Variants in CDKN2B-AS1 observed in about 807,000 individuals in gnomAD.
CDKN2B-AS1 encodes CDKN2B antisense RNA 1 (non-protein coding).
At chr9:22,027,610 T>A (rs1018057803) in intron 1 of CDKN2B-AS1, among the ~76,000 whole-genome samples, 2 of 152,320 alleles carry the variant, frequency 1.3e-5, no homozygotes, top group East Asian at 3.9e-4. Flanking sequence ...CTTTTTGGGG[T>A]ACAGTTCTAT....
Position 22,006,192 on chromosome 9 carries a change from T to G in CDKN2B-AS1, n.29+11031T>G, listed in dbSNP as rs1821177128. ...AGTGGCAGGGTCTGCGCAGTTGGGC[T>G]CCGCGCCGTGGAGCAGCAGCAGCTC... On this transcript the variant is annotated intron_variant and non_coding_transcript_variant, in intron 1 of 4. Transcript: ENST00000650946. The surrounding 1 kb of genome is among the most constrained non-coding windows in gnomAD (Gnocchi z 6.4). 6.2e-7 allele frequency: 1 copy of G among 1,609,124 alleles called. No individual in the cohort carries two copies. The highest frequency in any genetic ancestry group is 8.5e-7 in the Non-Finnish European group (1 of 1,179,786).
At chr9:22,002,837 A>C (rs748783739) in intron 1 of CDKN2B-AS1, 10 of 174,968 alleles carry the variant, frequency 5.7e-5, no homozygotes, top group Non-Finnish European at 1.1e-4. Flanking sequence ...CTTTAACAGC[A>C]AAACACCCTT....
At chr9:22,016,015 G>T (rs1821738939) in intron 1 of CDKN2B-AS1, among the ~76,000 whole-genome samples, 1 of 152,114 alleles carries the variant, frequency 6.6e-6, no homozygotes, top group South Asian at 2.1e-4. Flanking sequence ...AGATGAGTAG[G>T]TCGCGAAAAT....
At chr9:22,071,406 G>A (rs1824290709) in intron 4 of CDKN2B-AS1, among the ~76,000 whole-genome samples, 1 of 147,348 alleles carries the variant, frequency 6.8e-6, no homozygotes, top group Admixed American at 7.0e-5. Context: ...ACATGTGAGG[G>A]CCTAAGTATA....
chr9:22,011,676 C>A (rs1215279889), intron 1 of CDKN2B-AS1, among the ~76,000 whole-genome samples: 2 of 152,202 alleles, frequency 1.3e-5, no homozygotes, highest in Non-Finnish European at 2.9e-5. Flanking sequence ...GCTCACCTCA[C>A]AGCACACCCT....
At chr9:22,038,428 G>T (rs1243550119) in intron 1 of CDKN2B-AS1, among the ~76,000 whole-genome samples, 2 of 151,862 alleles carry the variant, frequency 1.3e-5, no homozygotes, top group African/African-American at 4.8e-5. Context: ...ATCTGTTCAA[G>T]ATTTATGAGC....
At chr9:22,123,516 C>A (rs1587557867) in intron 4 of CDKN2B-AS1, among the ~76,000 whole-genome samples, 1 of 151,984 alleles carries the variant, frequency 6.6e-6, no homozygotes, top group Non-Finnish European at 1.5e-5. Context: ...AATGTGTTTG[C>A]ACCAAAAGAG....
chr9:22,036,973 A>G (rs1252574280), intron 1 of CDKN2B-AS1, among the ~76,000 whole-genome samples: 2 of 152,074 alleles, frequency 1.3e-5, no homozygotes, highest in African/African-American at 2.4e-5. Context: ...TCAATGTACC[A>G]GTTTGGCTCT....
chr9:22,113,297 G>A (rs1475021467), intron 4 of CDKN2B-AS1, among the ~76,000 whole-genome samples: 3 of 152,092 alleles, frequency 2.0e-5, no homozygotes, highest in Non-Finnish European at 4.4e-5. Context: ...TCCATCTTCA[G>A]GCCAGCAATG....
intron 4 of CDKN2B-AS1, among the ~76,000 whole-genome samples, chr9:22,094,363 C>T (rs1371569128): frequency 1.4e-5 from 2 of 144,074 alleles, no homozygotes; most frequent in Non-Finnish European, 3.0e-5. Context: ...GAATGTTGGC[C>T]TGCCTTGCTA....
intron 4 of CDKN2B-AS1, among the ~76,000 whole-genome samples, chr9:22,074,445 T>C (rs2131320331): frequency 6.6e-6 from 1 of 152,310 alleles, no homozygotes; most frequent in East Asian, 1.9e-4. Context: ...CATAGGGGGA[T>C]GTAGGGAGTA....
chr9:22,075,532 T>C (rs1404209645), intron 4 of CDKN2B-AS1, among the ~76,000 whole-genome samples: 1 of 152,216 alleles, frequency 6.6e-6, no homozygotes, highest in East Asian at 1.9e-4. Context: ...GAATGACATA[T>C]GCCAAGTTTG....
At chr9:22,087,218 C>A (rs965225421) in intron 4 of CDKN2B-AS1, among the ~76,000 whole-genome samples, 1 of 152,164 alleles carries the variant, frequency 6.6e-6, no homozygotes, top group African/African-American at 2.4e-5. Flanking sequence ...AGTTTTCTTT[C>A]CCCTTGAAGG....
At chr9:22,002,933 T>C in intron 1 of CDKN2B-AS1, 1 of 190,076 alleles carries the variant, frequency 5.3e-6, no homozygotes, top group Non-Finnish European at 1.1e-5. Flanking sequence ...TATTTAACTT[T>C]CCAGATCTTC....
At chr9:22,040,031 A>G (rs996719782) in intron 1 of CDKN2B-AS1, among the ~76,000 whole-genome samples, 3 of 152,078 alleles carry the variant, frequency 2.0e-5, no homozygotes, top group African/African-American at 4.8e-5. Flanking sequence ...AACAGAAGCT[A>G]CGGAAGAGAC....
chr9:22,004,280 CCTT>C (rs1821061557), intron 1 of CDKN2B-AS1: 5 of 232,358 alleles, frequency 2.2e-5, no homozygotes, highest in Admixed American at 1.1e-4. Context: ...CAAATGTACT[CCTT>C]CTTATAAGTC....
At chr9:22,066,817 A>G (rs1824063050) in intron 4 of CDKN2B-AS1, among the ~76,000 whole-genome samples, 1 of 152,200 alleles carries the variant, frequency 6.6e-6, no homozygotes, top group South Asian at 2.1e-4. Flanking sequence ...AACCAACCCA[A>G]ATGTCCATCA....
chr9:22,103,970 C>T (rs1008229022), intron 4 of CDKN2B-AS1, among the ~76,000 whole-genome samples: 1 of 152,146 alleles, frequency 6.6e-6, no homozygotes. Flanking sequence ...TATAAATATA[C>T]ATATACGTAA....
At chr9:22,126,890 T>G (rs1818031164) in intron 4 of CDKN2B-AS1, among the ~76,000 whole-genome samples, 3 of 151,792 alleles carry the variant, frequency 2.0e-5, no homozygotes, top group African/African-American at 7.3e-5. Context: ...TCGAGAACAG[T>G]GATTAAAACA....
Sources: allele counts gnomAD v4.1 joint callset (sites outside exome capture counted in the v4.1 genomes callset), GRCh38; gene constraint gnomAD v4.1.1; non-coding constraint Gnocchi (gnomAD v3.1); transcripts MANE v1.5; gene names NCBI Gene and HGNC (gene_info 2026-07-23, HGNC 2026-07-21).